Variants in DLEU7 observed in about 807,000 individuals in gnomAD.
DLEU7 encodes the protein leukemia-associated protein 7.
In DLEU7, 17 loss-of-function variants were observed where a neutral mutation model predicts 16.0. The ratio of observed to expected loss-of-function variants is 1.06; its 90% CI spans 0.73 to 1.59. The LOEUF (loss-of-function observed/expected upper bound fraction) is 1.59. Among genes scored for constraint, DLEU7 ranks in the 40% most tolerant of loss-of-function variants. DLEU7 has a pLI of 0.00. For missense variants in DLEU7, 308 were observed against 314.9 expected (o/e 0.98, Z 0.17); for synonymous variants, 113 against 139.8 (o/e 0.81, Z 1.35).
intron 1 of DLEU7, chr13:50,808,687 GGAA>G (rs1196634294): frequency 2.0e-5 from 3 of 152,030 alleles, no homozygotes; most frequent in East Asian, 3.9e-4. Context: ...AGCAACACCA[GGAA>G]GAAGAACAAA....
chr13:50,713,730 G>A (rs1200775394), intron 1 of DLEU7, among the ~76,000 whole-genome samples: 1 of 152,130 alleles, frequency 6.6e-6, no homozygotes. Flanking sequence ...CAGTTAATAG[G>A]TACTGATTGG....
chr13:50,742,254 C>T (rs751517478), intron 1 of DLEU7, among the ~76,000 whole-genome samples: 20 of 152,054 alleles, frequency 1.3e-4, no homozygotes, highest in Admixed American at 7.2e-4. Context: ...ATGCAATCAA[C>T]GAATCAATAA....
intron 1 of DLEU7, among the ~76,000 whole-genome samples, chr13:50,839,675 A>G (rs549332594): frequency 1.8e-4 from 27 of 152,310 alleles, no homozygotes; most frequent in African/African-American, 6.3e-4. Context: ...GTTTTTGTCA[A>G]TAGTTCCAGA....
intron 1 of DLEU7, among the ~76,000 whole-genome samples, chr13:50,733,570 A>AG (rs1873979682): frequency 6.6e-6 from 1 of 151,884 alleles, no homozygotes; most frequent in Non-Finnish European, 1.5e-5. Flanking sequence ...CCACTCGTTA[A>AG]GGGGGGCACC....
At chr13:50,773,199 C>G (rs975175318) in intron 1 of DLEU7, among the ~76,000 whole-genome samples, 8 of 152,280 alleles carry the variant, frequency 5.3e-5, no homozygotes, top group Non-Finnish European at 8.8e-5. Flanking sequence ...AGCTTCCTTG[C>G]GATGGGTTCA....
intron 1 of DLEU7, among the ~76,000 whole-genome samples, chr13:50,780,080 G>A (rs989230069): frequency 6.6e-6 from 1 of 152,120 alleles, no homozygotes; most frequent in African/African-American, 2.4e-5. Context: ...AAAGCTTAAG[G>A]CTGTGGTCAA....
At chr13:50,740,630 A>G (rs1220839567) in intron 1 of DLEU7, among the ~76,000 whole-genome samples, 1 of 152,070 alleles carries the variant, frequency 6.6e-6, no homozygotes, top group Non-Finnish European at 1.5e-5. Flanking sequence ...TTTTATCGCT[A>G]ATCTCTGAAG....
intron 1 of DLEU7, among the ~76,000 whole-genome samples, chr13:50,732,898 G>C (rs1284648312): frequency 1.3e-5 from 2 of 152,172 alleles, no homozygotes; most frequent in Non-Finnish European, 2.9e-5. Flanking sequence ...TGGCAGAGGA[G>C]GCTCCCTGAG....
intron 1 of DLEU7, among the ~76,000 whole-genome samples, chr13:50,782,882 G>T (rs978933859): frequency 6.6e-6 from 1 of 151,986 alleles, no homozygotes; most frequent in African/African-American, 2.4e-5. Flanking sequence ...TGCTGTTGGT[G>T]CCTGGGTCCA....
chr13:50,833,059 G>A (rs1320966775), intron 1 of DLEU7, among the ~76,000 whole-genome samples: 1 of 152,088 alleles, frequency 6.6e-6, no homozygotes, highest in Non-Finnish European at 1.5e-5. Flanking sequence ...AAAATTATAA[G>A]AGCTATTTAT....
At chr13:50,752,346 A>C (rs9591354) in intron 1 of DLEU7, among the ~76,000 whole-genome samples, 2,367 of 152,080 alleles carry the variant, frequency 0.016, 51 homozygotes, top group African/African-American at 0.054. Context: ...CCACCGTGCC[A>C]GGCCTTTTTT....
chr13:50,766,560 T>C lies in DLEU7; in HGVS notation c.460-53320A>G, dbSNP rs200075558. On this transcript the variant is annotated intron_variant, in intron 1 of 1. Coordinates refer to the DLEU7 transcript ENST00000400393. Reference sequence around the variant, plus strand: ...AACTTCGGGAATCTCTCTCTTTCCCTCATCATCACTCCTTTCTCCTCCTCT... The same window carrying C: ...AACTTCGGGAATCTCTCTCTTTCCCCCATCATCACTCCTTTCTCCTCCTCT... 1.3e-4 allele frequency among the ~76,000 whole-genome samples: 20 copies of C among 152,194 alleles called. No homozygotes were observed. The East Asian group carries it at 3.9e-3, about 29-fold the overall frequency.
intron 1 of DLEU7, among the ~76,000 whole-genome samples, chr13:50,717,308 G>T (rs978366413): frequency 2.0e-5 from 3 of 152,232 alleles, no homozygotes; most frequent in African/African-American, 7.2e-5. Context: ...GCTGGACACA[G>T]ATGGTAAGTG....
At chr13:50,750,279 A>G (rs777018285) in intron 1 of DLEU7, among the ~76,000 whole-genome samples, 1 of 152,074 alleles carries the variant, frequency 6.6e-6, no homozygotes, top group Non-Finnish European at 1.5e-5. Context: ...TCTCTATTCT[A>G]TTCCATTGGT....
At chr13:50,780,975 A>G (rs963618427) in intron 1 of DLEU7, among the ~76,000 whole-genome samples, 27 of 152,100 alleles carry the variant, frequency 1.8e-4, no homozygotes, top group African/African-American at 5.8e-4. Flanking sequence ...TGAGTTCCCA[A>G]TCCATCCATC....
At chr13:50,780,685 G>A (rs1188228110) in intron 1 of DLEU7, among the ~76,000 whole-genome samples, 1 of 152,148 alleles carries the variant, frequency 6.6e-6, no homozygotes, top group African/African-American at 2.4e-5. Flanking sequence ...AAAAAGTAAA[G>A]TCATCATTGG....
At chr13:50,720,074 G>A (rs1292370469) in intron 1 of DLEU7, among the ~76,000 whole-genome samples, 1 of 152,128 alleles carries the variant, frequency 6.6e-6, no homozygotes, top group African/African-American at 2.4e-5. Context: ...ACAATTTTAT[G>A]GCTATCTCAG....
intron 1 of DLEU7, among the ~76,000 whole-genome samples, chr13:50,801,997 C>T (rs899560028): frequency 6.6e-6 from 1 of 151,744 alleles, no homozygotes. Flanking sequence ...CAAGGAAGGC[C>T]CGCTTGGATC....
intron 1 of DLEU7, among the ~76,000 whole-genome samples, chr13:50,788,947 A>G (rs1263956328): frequency 6.6e-6 from 1 of 152,172 alleles, no homozygotes; most frequent in African/African-American, 2.4e-5. Context: ...TATCGAGGAA[A>G]GAGCAGCTTC....
Sources: gnomAD v4.1 joint callset for allele counts (sites outside exome capture counted in the v4.1 genomes callset) on GRCh38, gnomAD v4.1.1 for gene constraint, MANE v1.5 for transcripts, NCBI Gene and HGNC (gene_info 2026-07-23, HGNC 2026-07-21) for gene names.